The following ASTN2 variants were observed in gnomAD, a reference collection of about 807,000 sequenced individuals.
ASTN2 encodes astrotactin-2.
In ASTN2, 54 loss-of-function variants were observed where a neutral mutation model predicts 139.8. The ratio of observed to expected loss-of-function variants is 0.39; its 90% CI spans 0.31 to 0.48. The LOEUF (loss-of-function observed/expected upper bound fraction) is 0.48. Ranked by LOEUF, ASTN2 falls within the 20% of genes least tolerant of loss-of-function variation. ASTN2 has a pLI of 0.95. For missense variants in ASTN2, 1,565 were observed against 1,725.1 expected, an observed-to-expected ratio of 0.91 and a Z score of 1.64; for synonymous variants, 756 against 719.5, an observed-to-expected ratio of 1.05 and a Z score of -0.81.
intron 3 of ASTN2, among the ~76,000 whole-genome samples, chr9:117,203,365 T>G (rs577909402): frequency 2.4e-4 from 36 of 152,226 alleles, no homozygotes; most frequent in South Asian, 8.3e-4. Context: ...CTCTGTCCAG[T>G]TCTAGGCCCT....
At chr9:117,249,302 C>G (rs907429328) in intron 2 of ASTN2, among the ~76,000 whole-genome samples, 18 of 152,182 alleles carry the variant, frequency 1.2e-4, no homozygotes, top group Non-Finnish European at 1.0e-4. Flanking sequence ...ACGGTGAATG[C>G]TGGCAGCATC....
At chr9:117,119,131 A>C (rs1275554211) in intron 4 of ASTN2, among the ~76,000 whole-genome samples, 1 of 152,216 alleles carries the variant, frequency 6.6e-6, no homozygotes, top group Non-Finnish European at 1.5e-5. Flanking sequence ...GATAATGCAC[A>C]GAAAAATTTA....
chr9:116,725,103 G>C (rs926316017), intron 16 of ASTN2, among the ~76,000 whole-genome samples: 28 of 152,284 alleles, frequency 1.8e-4, no homozygotes, highest in African/African-American at 6.5e-4. Context: ...AAGCAGACAA[G>C]AATAGCTACT....
rs1350221066 is a variant in ASTN2, at chr9:116,820,622, G to C, written c.2202C>G (p.Phe734Leu). 1 of 1,613,696 alleles carries C rather than the reference G, an allele frequency of 6.2e-7. No individual in the cohort carries two copies. Among genetic ancestry groups the C allele is most frequent in the South Asian group, 1.1e-5 (1 of 90,972 alleles). The part of the protein sequence containing the change: ...YDATSSTIFM[F>L]CGCVEEYKLA... ...CCTTGGGGACAGAGACTCACCCGCA[G>C]AACATGAAGATGGTGCTCGAAGTGG... The change falls in exon 12 of 23, where the codon TTC (phenylalanine) becomes TTG (leucine). Residue 734 changes from phenylalanine (F) to leucine (L), a missense_variant. Coordinates refer to ENST00000313400, the MANE Select transcript of ASTN2 (RefSeq NM_001365068.1).
chr9:116,578,541 C>CAA (rs60961993), intron 19 of ASTN2, among the ~76,000 whole-genome samples: 49 of 144,192 alleles, frequency 3.4e-4, no homozygotes, highest in Admixed American at 2.1e-4. Context: ...TCCAGAAATG[C>CAA]AAAAAAAAAA....
chr9:116,911,673 G>C (rs530284873), intron 10 of ASTN2, among the ~76,000 whole-genome samples: 1 of 152,168 alleles, frequency 6.6e-6, no homozygotes, highest in Admixed American at 6.5e-5. Context: ...GGGAGGCCGA[G>C]GCAGGCGGAT....
At chr9:117,211,518 C>T (rs1033395006) in intron 3 of ASTN2, among the ~76,000 whole-genome samples, 1 of 152,138 alleles carries the variant, frequency 6.6e-6, no homozygotes, top group Admixed American at 6.6e-5. Flanking sequence ...GAAGAAGGTG[C>T]TTGCTTCCCT....
chr9:116,844,211 G>T (rs1427594311), intron 11 of ASTN2, among the ~76,000 whole-genome samples: 1 of 152,152 alleles, frequency 6.6e-6, no homozygotes, highest in Non-Finnish European at 1.5e-5. Flanking sequence ...TTGTGTGGAA[G>T]TTCCTTCTTC....
At position 116,559,116 on chromosome 9, in the gene ASTN2, G is replaced by A. The variant is rs374388028; in HGVS notation, c.3355+59208C>T. ...CAATGACAAAGGAACTTGCCTCCTG[G>A]TGAAGCCTACAACCTGTGGGACTGG... On this transcript the variant is annotated intron_variant, in intron 19 of 22. Coordinates refer to ENST00000313400, the MANE Select transcript of ASTN2 (RefSeq NM_001365068.1). 5.9e-4 allele frequency among the ~76,000 whole-genome samples: 90 copies of A among 152,242 alleles called. 1 individual carries two copies. In the South Asian group the frequency reaches 0.018, roughly 31 times the overall value.
At chr9:116,712,532 G>A (rs938635786) in intron 16 of ASTN2, among the ~76,000 whole-genome samples, 12 of 152,286 alleles carry the variant, frequency 7.9e-5, no homozygotes, top group Middle Eastern at 3.4e-3. Flanking sequence ...GTTGACATAT[G>A]TGAGCACTCT....
chr9:117,234,927 T>C (rs1833000949), intron 2 of ASTN2, among the ~76,000 whole-genome samples: 1 of 152,126 alleles, frequency 6.6e-6, no homozygotes, highest in African/African-American at 2.4e-5. Flanking sequence ...GTGTCTGCTG[T>C]TTTAGTGTAT....
chr9:116,926,701 G>A (rs1564344150), intron 10 of ASTN2, among the ~76,000 whole-genome samples: 1 of 152,056 alleles, frequency 6.6e-6, no homozygotes, highest in Admixed American at 6.5e-5. Context: ...ATCGTGAGTG[G>A]GTAACTCTTT....
At chr9:116,818,684 TAACA>T (rs1831403179) in intron 12 of ASTN2, among the ~76,000 whole-genome samples, 1 of 152,206 alleles carries the variant, frequency 6.6e-6, no homozygotes, top group Admixed American at 6.5e-5. Flanking sequence ...TTAATTTATT[TAACA>T]AACACATACA....
intron 6 of ASTN2, among the ~76,000 whole-genome samples, chr9:117,021,556 C>T (rs73657619): frequency 0.052 from 7,986 of 152,202 alleles, 523 homozygotes; most frequent in African/African-American, 0.16. Flanking sequence ...TTGTTGTTGT[C>T]AAATTCATTT....
chr9:116,842,522 G>A (rs1193514804), intron 11 of ASTN2, among the ~76,000 whole-genome samples: 3 of 151,784 alleles, frequency 2.0e-5, no homozygotes, highest in Admixed American at 6.6e-5. Flanking sequence ...ATATAAGTGA[G>A]TGGGAAAGGC....
At chr9:117,357,472 T>C (rs779993517) in intron 1 of ASTN2, among the ~76,000 whole-genome samples, 44 of 152,144 alleles carry the variant, frequency 2.9e-4, no homozygotes, top group Non-Finnish European at 4.7e-4. Flanking sequence ...TTTTCAGCTA[T>C]GTTCTGATGA....
intron 10 of ASTN2, among the ~76,000 whole-genome samples, chr9:116,955,318 T>C (rs1272381620): frequency 6.6e-6 from 1 of 152,248 alleles, no homozygotes; most frequent in Non-Finnish European, 1.5e-5. Context: ...GTCCTCATTA[T>C]GATGAAGAGA....
intron 1 of ASTN2, among the ~76,000 whole-genome samples, chr9:117,333,488 C>T (rs1828781709): frequency 1.3e-5 from 2 of 152,138 alleles, no homozygotes; most frequent in Non-Finnish European, 2.9e-5. Context: ...CTTCAAACTG[C>T]CTCCAAAACA....
intron 1 of ASTN2, among the ~76,000 whole-genome samples, chr9:117,396,107 G>T (rs1340468880): frequency 6.6e-6 from 1 of 152,190 alleles, no homozygotes; most frequent in Non-Finnish European, 1.5e-5. Flanking sequence ...CCTAGGAAGG[G>T]TTATGAACTA....
Sources: gnomAD v4.1 joint callset for allele counts (sites outside exome capture counted in the v4.1 genomes callset) on GRCh38, gnomAD v4.1.1 for gene constraint, MANE v1.5 for transcripts, NCBI Gene and HGNC (gene_info 2026-07-23, HGNC 2026-07-21) for gene names.